Variants in DHODH observed in about 807,000 individuals in gnomAD.
DHODH encodes dihydroorotate dehydrogenase (quinone), mitochondrial.
In DHODH, 30 loss-of-function variants were observed where a neutral mutation model predicts 39.7. That is an observed-to-expected ratio of 0.76 (90% confidence interval 0.57 to 1.02). The LOEUF is 1.02. Among genes scored for constraint, DHODH ranks in the 50% least tolerant of loss-of-function variants. The pLI, the probability that DHODH is intolerant of heterozygous loss-of-function variation, is 0.00. For missense variants in DHODH, 531 were observed against 520.8 expected, an observed-to-expected ratio of 1.02 and a Z score of -0.19; for synonymous variants, 222 against 213.8, an observed-to-expected ratio of 1.04 and a Z score of -0.34.
intron 3 of DHODH, chr16:72,016,213 C>T (rs1215457236): frequency 6.6e-6 from 1 of 152,548 alleles, no homozygotes; most frequent in Non-Finnish European, 1.5e-5. Flanking sequence ...GTCTCAGTGT[C>T]TACACTTGGC....
intron 1 of DHODH, 190 bp downstream of exon 1, chr16:72,008,975 C>G: frequency 2.0e-6 from 3 of 1,481,518 alleles, no homozygotes; most frequent in Non-Finnish European, 2.7e-6. Context: ...CTCGGTCAGG[C>G]GTGTGCAGAC....
chr16:72,026,956 A>G lies in DHODH; in HGVS notation c.*2757A>G. ...CAGGTGCCCACTACCACACCCAGCT[A>G]ATTTGTGTGTGTGTGTGTGTGTGTG... On this transcript the variant is annotated 3_prime_UTR_variant, in exon 9 of 9. Transcript: ENST00000219240. The G allele has an allele frequency of 7.6e-6, 1 of 130,948 alleles. No individual in the cohort carries two copies. The highest frequency in any genetic ancestry group is 1.6e-5 in the Non-Finnish European group (1 of 64,118). 8.1% of individuals were successfully genotyped at this position (130,948 alleles called of 1,614,324 possible).
intron 2 of DHODH, chr16:72,013,566 A>T (rs1423194990): frequency 1.3e-5 from 2 of 152,194 alleles, no homozygotes; most frequent in East Asian, 3.9e-4. Context: ...TTGGCTCTCC[A>T]CCCTTCACCT....
At chr16:72,014,823 T>C (rs911190759) in intron 3 of DHODH, 151 bp downstream of exon 3, 2 of 808,360 alleles carry the variant, frequency 2.5e-6, no homozygotes, top group Admixed American at 4.4e-5. Context: ...CAGCATCTAC[T>C]ATGTGCCCCA....
intron 4 of DHODH, among the ~76,000 whole-genome samples, chr16:72,018,007 C>A (rs942019308): frequency 1.3e-5 from 2 of 152,146 alleles, no homozygotes; most frequent in African/African-American, 4.8e-5. Context: ...ATTTCCTGAC[C>A]TGGTGATCCG....
At chr16:72,023,654 C>T (rs1339078984) in intron 8 of DHODH, 21 bp downstream of exon 8, 1 of 1,612,758 alleles carries the variant, frequency 6.2e-7, no homozygotes, top group Non-Finnish European at 8.5e-7. Flanking sequence ...TCATGTGTGG[C>T]TTGAAACAGA....
rs369448475 is a variant in DHODH, at chr16:72,012,220, G to A, written c.192G>A (p.Leu64=). The A allele has an allele frequency of 5.0e-6, 8 of 1,613,972 alleles. No individual in the cohort carries two copies. The highest frequency in any genetic ancestry group is 6.8e-6 in the Non-Finnish European group (8 of 1,180,034). The change falls in exon 2 of 9, where the codon CTG becomes CTA. Residue 64 remains leucine (L), a synonymous_variant. Coordinates refer to ENST00000219240, the MANE Select transcript of DHODH (RefSeq NM_001361.5). ...GACTGGCTGTTCGCTTCACCTCCCT[G>A]GGGCTCCTTCCACGGGCCAGATTTC... ...AHRLAVRFTS[L]GLLPRARFQD...
chr16:72,021,098 G>A (rs1001703809), intron 4 of DHODH, 26 bp from the exon 5 acceptor site: 4 of 1,587,010 alleles, frequency 2.5e-6, no homozygotes, highest in Non-Finnish European at 3.4e-6. Context: ...TGTGCGGGGT[G>A]CAGGCCTGAC....
intron 2 of DHODH, 33 bp downstream of exon 2, chr16:72,012,295 C>A (rs1597393430): frequency 1.3e-6 from 2 of 1,599,804 alleles, no homozygotes; most frequent in Non-Finnish European, 1.7e-6. Flanking sequence ...ACATTAAATA[C>A]AAAGGCGAAG....
Position 72,027,077 on chromosome 16 carries a change from A to G in DHODH, c.*2878A>G, listed in dbSNP as rs2041284044. On this transcript the variant is annotated 3_prime_UTR_variant, in exon 9 of 9. Coordinates refer to ENST00000219240, the MANE Select transcript of DHODH (RefSeq NM_001361.5). The stretch of plus-strand genomic sequence containing the variant: ...AGTGGTGCGATCTCAGCTCACTGCA[A>G]GCTCCGCCTCCCGGGTTCACACTAT... The G allele has an allele frequency of 6.6e-6, 1 of 150,402 alleles. No individual in the cohort carries two copies. The highest frequency in any genetic ancestry group is 2.5e-5 in the African/African-American group (1 of 40,638). 9.3% of individuals were successfully genotyped at this position (150,402 alleles called of 1,614,324 possible). A position where few individuals can be genotyped will look rare whatever the true frequency, so the allele number is the denominator to read the frequency against.
At chr16:72,023,790 A>T (rs2041250704) in intron 8 of DHODH, among the ~76,000 whole-genome samples, 157 bp downstream of exon 8, 1 of 152,192 alleles carries the variant, frequency 6.6e-6, no homozygotes, top group African/African-American at 2.4e-5. Flanking sequence ...TACTCTTTTG[A>T]TGAAGGACAA....
At chr16:72,010,099 C>T (rs2143966784) in intron 1 of DHODH, among the ~76,000 whole-genome samples, 1 of 152,310 alleles carries the variant, frequency 6.6e-6, no homozygotes, top group South Asian at 2.1e-4. Flanking sequence ...TCCTTAAAAG[C>T]AAATCTAATC....
chr16:72,017,374 G>A (rs2041153357), intron 4 of DHODH, among the ~76,000 whole-genome samples: 1 of 152,166 alleles, frequency 6.6e-6, no homozygotes, highest in Admixed American at 6.5e-5. Context: ...AGCAAGCGAA[G>A]CAAAGCGGCT....
chr16:72,022,648 A>G (rs762433951), intron 6 of DHODH, among the ~76,000 whole-genome samples, 173 bp downstream of exon 6: 2 of 152,214 alleles, frequency 1.3e-5, no homozygotes, highest in Non-Finnish European at 2.9e-5. Flanking sequence ...GAATGTTGGA[A>G]TAAGTGCTTG....
intron 1 of DHODH, 160 bp downstream of exon 1, chr16:72,008,945 C>T: frequency 1.3e-6 from 2 of 1,515,638 alleles, no homozygotes; most frequent in South Asian, 1.3e-5. Flanking sequence ...AATGCTCGTG[C>T]GTGTGCATTT....
At chr16:72,009,143 T>C (rs2041053590) in intron 1 of DHODH, 8 of 1,144,892 alleles carry the variant, frequency 7.0e-6, no homozygotes, top group Non-Finnish European at 8.6e-6. Flanking sequence ...TCCCAACCCT[T>C]TTAGGTAAAG....
intron 5 of DHODH, among the ~76,000 whole-genome samples, chr16:72,021,646 T>G (rs2041218741): frequency 6.6e-6 from 1 of 152,168 alleles, no homozygotes; most frequent in African/African-American, 2.4e-5. Context: ...TGGTAATATT[T>G]CCTGGTTATC....
intron 5 of DHODH, among the ~76,000 whole-genome samples, chr16:72,021,782 A>G (rs1052340658): frequency 2.6e-5 from 4 of 152,142 alleles, no homozygotes; most frequent in Non-Finnish European, 5.9e-5. Flanking sequence ...TGGGCAAAAG[A>G]GCAAGACCCT....
At position 72,014,658 on chromosome 16, in the gene DHODH, A is replaced by G; in HGVS notation, c.420A>G (p.Gln140=). ...RPRVFRLPED[Q]AVINRYGFNS... is the part of the protein sequence containing the mutation. ...GAGTCTTCCGCCTCCCTGAGGACCA[A>G]GCTGTCATTAACAGGTAGGTGAGCG... Residue 140 remains glutamine (Q), a synonymous_variant, in exon 3 of 9, where the codon CAA becomes CAG. Transcript: ENST00000219240. 1 of 1,614,134 alleles carries G rather than the reference A, an allele frequency of 6.2e-7. No individual in the cohort carries two copies.
Sources: gnomAD v4.1 joint callset for allele counts (sites outside exome capture counted in the v4.1 genomes callset) on GRCh38, gnomAD v4.1.1 for gene constraint, MANE v1.5 for transcripts, NCBI Gene and HGNC (gene_info 2026-07-23, HGNC 2026-07-21) for gene names.